KCNH8: variants seen among roughly 807,000 people sequenced by gnomAD.
KCNH8 encodes voltage-gated delayed rectifier potassium channel KCNH8.
A neutral mutation model predicts 103.6 loss-of-function variants in KCNH8; 70 were observed. That is an observed-to-expected ratio of 0.68 (90% CI 0.56 to 0.82). The LOEUF is 0.82. Ranked by LOEUF, KCNH8 falls within the 40% of genes least tolerant of loss-of-function variation. KCNH8 has a pLI of 0.00. For missense variants in KCNH8, 1,217 were observed against 1,329.9 expected (o/e 0.92, Z 1.32); for synonymous variants, 498 against 489.4 (o/e 1.02, Z -0.23).
intron 3 of KCNH8, among the ~76,000 whole-genome samples, chr3:19,334,633 C>T (rs2125312309): frequency 6.7e-6 from 1 of 149,540 alleles, no homozygotes; most frequent in East Asian, 2.0e-4. Context: ...CCCCTTAAAT[C>T]CTCTTTATAT....
At chr3:19,248,489 T>C (rs1300288836) in intron 1 of KCNH8, among the ~76,000 whole-genome samples, 1 of 152,212 alleles carries the variant, frequency 6.6e-6, no homozygotes, top group African/African-American at 2.4e-5. Flanking sequence ...GTATAATCTC[T>C]AGAGAGAAAA....
In KCNH8 at chr3:19,515,403, G is replaced by T; in HGVS notation, c.2517G>T (p.Glu839Asp). The T allele has an allele frequency of 6.4e-7, 1 of 1,552,482 alleles. No individual in the cohort carries two copies. The highest frequency in any genetic ancestry group is 1.3e-5 in the South Asian group (1 of 79,708). Reference protein sequence around the residue: ...FDFGSERIRSEPRISPPLGDP... With the variant: ...FDFGSERIRSDPRISPPLGDP... ...TTGGCTCTGAACGAATCAGATCAGA[G>T]CCCAGAATTTCTCCTCCTCTTGGAG... The change falls in exon 14 of 16, where the codon GAG becomes GAT. Residue 839 changes from glutamate (E) to aspartate (D), a missense_variant. This residue lies in a region of KCNH8 where 558 missense variants were observed against 495.8 expected (regional missense o/e 1.13). Transcript: ENST00000328405.
chr3:19,268,383 C>T (rs774879101), intron 2 of KCNH8, among the ~76,000 whole-genome samples: 1 of 151,936 alleles, frequency 6.6e-6, no homozygotes, highest in South Asian at 2.1e-4. Context: ...CAAAGAGAGC[C>T]ACGTATGCAA....
intron 11 of KCNH8, among the ~76,000 whole-genome samples, chr3:19,467,447 G>C (rs892038155): frequency 3.9e-5 from 6 of 152,100 alleles, no homozygotes; most frequent in Non-Finnish European, 7.4e-5. Flanking sequence ...GCATTATCTG[G>C]TGAAATCTTT....
chr3:19,163,776 A>G (rs2125188130), intron 1 of KCNH8, among the ~76,000 whole-genome samples: 1 of 152,264 alleles, frequency 6.6e-6, no homozygotes, highest in South Asian at 2.1e-4. Context: ...TCCTCAGTCT[A>G]CTCAATGTGA....
chr3:19,503,855 C>T (rs2068639700), intron 11 of KCNH8, among the ~76,000 whole-genome samples: 1 of 151,810 alleles, frequency 6.6e-6, no homozygotes. Context: ...GTGCAGCGCA[C>T]CAGCATGGCA....
chr3:19,183,987 A>G (rs997340988), intron 1 of KCNH8, among the ~76,000 whole-genome samples: 1 of 152,152 alleles, frequency 6.6e-6, no homozygotes, highest in African/African-American at 2.4e-5. Context: ...TTATGTTCAT[A>G]TGAATTCAAA....
intron 1 of KCNH8, among the ~76,000 whole-genome samples, chr3:19,224,560 T>TC (rs2063908953): frequency 1.4e-5 from 1 of 73,038 alleles, no homozygotes; most frequent in Non-Finnish European, 2.4e-5. Flanking sequence ...TGTTTTGAAC[T>TC]TTTTTTTTTT....
intron 2 of KCNH8, among the ~76,000 whole-genome samples, chr3:19,266,522 T>G (rs530829910): frequency 6.6e-6 from 1 of 152,138 alleles, no homozygotes; most frequent in Non-Finnish European, 1.5e-5. Context: ...TGTGTCACAG[T>G]AGGCACCACC....
intron 7 of KCNH8, among the ~76,000 whole-genome samples, chr3:19,397,060 C>T (rs1001471461): frequency 6.6e-6 from 1 of 151,894 alleles, no homozygotes; most frequent in Non-Finnish European, 1.5e-5. Flanking sequence ...TTCCAACATG[C>T]CAGGCTTGCT....
intron 7 of KCNH8, among the ~76,000 whole-genome samples, chr3:19,405,934 T>TTA (rs997498622): frequency 6.6e-6 from 1 of 152,064 alleles, no homozygotes; most frequent in Non-Finnish European, 1.5e-5. Flanking sequence ...GATATTTGCA[T>TTA]TAAAGTATAG....
intron 1 of KCNH8, among the ~76,000 whole-genome samples, chr3:19,152,213 A>G (rs765302515): frequency 6.6e-6 from 1 of 152,168 alleles, no homozygotes; most frequent in Admixed American, 6.5e-5. Context: ...GCTTTAAGTA[A>G]CTATTAATTT....
chr3:19,234,189 T>G (rs1396869361), intron 1 of KCNH8, among the ~76,000 whole-genome samples: 1 of 152,164 alleles, frequency 6.6e-6, no homozygotes, highest in Admixed American at 6.5e-5. Flanking sequence ...GTTCTCCACG[T>G]CCCTACCAGA....
At chr3:19,322,209 G>A (rs2065358908) in intron 3 of KCNH8, among the ~76,000 whole-genome samples, 1 of 151,874 alleles carries the variant, frequency 6.6e-6, no homozygotes. Flanking sequence ...TGAGATGTGA[G>A]GTACTATTCT....
In KCNH8 at chr3:19,482,535, T is replaced by C. The variant is rs529681255; in HGVS notation, c.2040+25553T>C. On this transcript the variant is annotated intron_variant, in intron 11 of 15. Coordinates refer to ENST00000328405, the MANE Select transcript of KCNH8 (RefSeq NM_144633.3). ...GAACTAAGGTAGCAGTGAAGCTTTT[T>C]ATCATTTGAAGAAGTACAGGTAGTA... is the stretch of plus-strand genomic sequence containing the variant. 1.7e-4 allele frequency among the ~76,000 whole-genome samples: 26 copies of C among 152,354 alleles called. 2 individuals carry two copies. In the South Asian group the frequency reaches 3.9e-3, roughly 23 times the overall value.
At chr3:19,258,937 CTCTCTCTCTCTATATATATATATA>C (rs1473166045) in intron 2 of KCNH8, among the ~76,000 whole-genome samples, 4 of 80,060 alleles carry the variant, frequency 5.0e-5, no homozygotes, top group African/African-American at 2.1e-4. Context: ...CTCTCTCTCT[CTCTCTCTCTCTATATATATATATA>C]TATATATATA....
intron 2 of KCNH8, among the ~76,000 whole-genome samples, chr3:19,276,175 A>ATGTGTG (rs59768467): frequency 0.017 from 2,432 of 141,954 alleles, 38 homozygotes; most frequent in African/African-American, 0.033. Flanking sequence ...CAATATGTAT[A>ATGTGTG]TGTGTGTGTG....
chr3:19,419,048 A>G (rs1366097736), intron 7 of KCNH8, among the ~76,000 whole-genome samples: 3 of 152,212 alleles, frequency 2.0e-5, no homozygotes, highest in African/African-American at 4.8e-5. Flanking sequence ...ATGAAAGATA[A>G]ACATTTTATC....
chr3:19,471,010 G>A (rs1186308455), intron 11 of KCNH8, among the ~76,000 whole-genome samples: 2 of 152,072 alleles, frequency 1.3e-5, no homozygotes, highest in African/African-American at 4.8e-5. Context: ...CACATTTTTA[G>A]TGGCATCTGG....
Sources: allele counts gnomAD v4.1 joint callset (sites outside exome capture counted in the v4.1 genomes callset), GRCh38; gene constraint gnomAD v4.1.1; regional missense constraint gnomAD v4.1.1; transcripts MANE v1.5; gene names NCBI Gene and HGNC (gene_info 2026-07-23, HGNC 2026-07-21).